Variants in FHIT observed in about 807,000 individuals in gnomAD.
FHIT encodes the protein bis(5'-adenosyl)-triphosphatase.
FHIT carries 19 observed loss-of-function variants against 17.9 expected under a neutral mutation model. The ratio of observed to expected loss-of-function variants is 1.06; its 90% CI spans 0.74 to 1.56. The LOEUF (loss-of-function observed/expected upper bound fraction) is 1.56, where lower values mean the gene tolerates loss of function less well. Among genes scored for constraint, FHIT ranks in the 40% most tolerant of loss-of-function variants. The pLI, the probability that FHIT is intolerant of heterozygous loss-of-function variation, is 0.00. For synonymous variants in FHIT, 81 were observed against 69.7 expected (o/e 1.16, Z -0.81); for missense variants, 248 against 189.2 (o/e 1.31, Z -1.82).
chr3:60,190,787 A>G (rs1346328575), intron 5 of FHIT, among the ~76,000 whole-genome samples: 1 of 152,108 alleles, frequency 6.6e-6, no homozygotes, highest in Non-Finnish European at 1.5e-5. Flanking sequence ...TAAAAAAAAT[A>G]CAAAAATTAG....
chr3:60,724,798 C>A lies in FHIT; in HGVS notation c.-18+97121G>T, dbSNP rs182933945. Among the ~76,000 whole-genome samples the A allele has an allele frequency of 1.3e-4, 19 of 151,838 alleles. No individual in the cohort carries two copies. The East Asian group carries it at 3.3e-3, about 26-fold the overall frequency. The stretch of plus-strand genomic sequence containing the variant: ...TGAGTAGCTGGGATTACAGGCACGC[C>A]CCACCATGCCTGGCTAATTTTTGTC... On this transcript the variant is annotated intron_variant, in intron 4 of 9. Transcript: ENST00000492590.
At chr3:60,611,444 A>G (rs1392663966) in intron 4 of FHIT, among the ~76,000 whole-genome samples, 1 of 152,192 alleles carries the variant, frequency 6.6e-6, no homozygotes, top group Non-Finnish European at 1.5e-5. Context: ...GGTCATCACC[A>G]AGGTCTGATT....
rs564187573 is a variant in FHIT, at chr3:60,749,304, C to T, written c.-18+72615G>A. 3.0e-3 allele frequency among the ~76,000 whole-genome samples: 321 copies of T among 106,020 alleles called. 5 individuals are homozygous for T. The highest frequency in any genetic ancestry group is 3.6e-3 in the South Asian group (10 of 2,816). The allele number at this position is 106,020 out of a possible 152,430, so 69.6% of individuals were successfully genotyped here. A position where few individuals can be genotyped will look rare whatever the true frequency, so the allele number is the denominator to read the frequency against. On this transcript the variant is annotated intron_variant, in intron 4 of 9. Coordinates refer to ENST00000492590, the MANE Select transcript of FHIT (RefSeq NM_002012.4). ...TAGTCAAATAAGAGAAGCTCTGAGACGGTTTTTTTTCCGCATCTGTTGAAT... is the reference window on the plus strand; with the variant it reads ...TAGTCAAATAAGAGAAGCTCTGAGATGGTTTTTTTTCCGCATCTGTTGAAT...
chr3:60,158,452 C>A (rs1700801881), intron 5 of FHIT, among the ~76,000 whole-genome samples: 1 of 152,094 alleles, frequency 6.6e-6, no homozygotes, highest in Non-Finnish European at 1.5e-5. Flanking sequence ...ACTAGGATTA[C>A]AGGCACCTGC....
chr3:60,600,706 G>A (rs551671386), intron 4 of FHIT, among the ~76,000 whole-genome samples: 24 of 152,272 alleles, frequency 1.6e-4, no homozygotes, highest in African/African-American at 5.5e-4. Context: ...AATATGAAAA[G>A]GTATGGACTG....
At chr3:60,431,747 G>A (rs549069907) in intron 5 of FHIT, among the ~76,000 whole-genome samples, 15 of 151,938 alleles carry the variant, frequency 9.9e-5, no homozygotes, top group South Asian at 6.2e-4. Flanking sequence ...AGCTCAAAAC[G>A]CCTCTCAAAC....
At chr3:60,068,385 A>G (rs1392602893) in intron 5 of FHIT, among the ~76,000 whole-genome samples, 1 of 152,192 alleles carries the variant, frequency 6.6e-6, no homozygotes, top group Admixed American at 6.5e-5. Flanking sequence ...CTGCATCTTA[A>G]GTTCCCAGGG....
chr3:60,043,856 T>C (rs1277793827), intron 5 of FHIT, among the ~76,000 whole-genome samples: 1 of 152,212 alleles, frequency 6.6e-6, no homozygotes, highest in Non-Finnish European at 1.5e-5. Flanking sequence ...CTAATGTTTC[T>C]TTATATGAAA....
At chr3:60,006,854 T>C (rs554374893) in intron 7 of FHIT, among the ~76,000 whole-genome samples, 80 of 152,290 alleles carry the variant, frequency 5.3e-4, no homozygotes, top group African/African-American at 1.9e-3. Context: ...GTGGAAAATT[T>C]GTTCTAGAAC....
chr3:59,781,508 C>T (rs1236017217), intron 8 of FHIT, among the ~76,000 whole-genome samples: 1 of 152,176 alleles, frequency 6.6e-6, no homozygotes, highest in African/African-American at 2.4e-5. Flanking sequence ...TCAACTTCTA[C>T]CAAGTTACGA....
At chr3:60,754,652 T>G (rs965570666) in intron 4 of FHIT, among the ~76,000 whole-genome samples, 12 of 151,748 alleles carry the variant, frequency 7.9e-5, no homozygotes, top group Admixed American at 7.2e-4. Context: ...AAGTACTGGC[T>G]CAACTACTAT....
chr3:60,436,460 G>T (rs1266719173), intron 5 of FHIT, among the ~76,000 whole-genome samples: 2 of 152,110 alleles, frequency 1.3e-5, no homozygotes, highest in African/African-American at 2.4e-5. Flanking sequence ...GCCAGCCACT[G>T]TCCTAGGTGC....
At chr3:61,096,214 T>C (rs891511746) in intron 2 of FHIT, among the ~76,000 whole-genome samples, 4 of 152,190 alleles carry the variant, frequency 2.6e-5, no homozygotes, top group Non-Finnish European at 4.4e-5. Context: ...CACAGAAGGA[T>C]GGAGTAACAT....
chr3:60,696,960 C>T (rs1381221345), intron 4 of FHIT, among the ~76,000 whole-genome samples: 1 of 152,048 alleles, frequency 6.6e-6, no homozygotes, highest in African/African-American at 2.4e-5. Context: ...ATTTGTGGCA[C>T]TAGCAACATG....
At chr3:59,884,593 T>C (rs1416551438) in intron 8 of FHIT, among the ~76,000 whole-genome samples, 1 of 152,190 alleles carries the variant, frequency 6.6e-6, no homozygotes, top group East Asian at 1.9e-4. Flanking sequence ...TTTATTTGGC[T>C]ATAATGCCAA....
At position 61,206,277 on chromosome 3, in the gene FHIT, C is replaced by A. The variant is rs1186660048; in HGVS notation, c.-212-5612G>T. 6.3e-4 allele frequency among the ~76,000 whole-genome samples: 83 copies of A among 130,774 alleles called. 2 individuals are homozygous for A. The highest frequency in any genetic ancestry group is 2.0e-3 in the African/African-American group (71 of 35,170). 85.8% of individuals were successfully genotyped at this position (130,774 alleles called of 152,430 possible). A position where few individuals can be genotyped will look rare whatever the true frequency, so the allele number is the denominator to read the frequency against. On this transcript the variant is annotated intron_variant, in intron 1 of 9. Transcript: ENST00000492590. ...GATGCCTCCAGCTCTGTTCTTTTGG[C>A]TTAGGATTGACTTGGTGATGCAGGC... is the stretch of plus-strand genomic sequence containing the variant.
intron 8 of FHIT, among the ~76,000 whole-genome samples, chr3:59,785,972 G>A (rs761976846): frequency 4.6e-5 from 7 of 152,164 alleles, no homozygotes; most frequent in South Asian, 2.1e-4. Flanking sequence ...CTGTCATGGC[G>A]CCTGTGAGCT....
intron 5 of FHIT, among the ~76,000 whole-genome samples, chr3:60,507,883 A>T (rs1323884500): frequency 6.6e-6 from 1 of 152,208 alleles, no homozygotes; most frequent in African/African-American, 2.4e-5. Flanking sequence ...ATAGTATTCC[A>T]TGGTGTATAT....
At chr3:60,708,977 C>A (rs879951636) in intron 4 of FHIT, among the ~76,000 whole-genome samples, 1 of 152,074 alleles carries the variant, frequency 6.6e-6, no homozygotes, top group Non-Finnish European at 1.5e-5. Context: ...GTTTCTATAG[C>A]GCATTGCAAG....
Sources: gnomAD v4.1 joint callset for allele counts (sites outside exome capture counted in the v4.1 genomes callset) on GRCh38, gnomAD v4.1.1 for gene constraint, MANE v1.5 for transcripts, NCBI Gene and HGNC (gene_info 2026-07-23, HGNC 2026-07-21) for gene names.